VLDLR: variants seen among roughly 807,000 people sequenced by gnomAD.
VLDLR encodes very low density lipoprotein receptor.
A neutral mutation model predicts 112.7 loss-of-function variants in VLDLR; 81 were observed. The observed-to-expected ratio is 0.72, with a 90% CI of 0.60 to 0.86. The LOEUF is 0.86. Among genes scored for constraint, VLDLR ranks in the 40% least tolerant of loss-of-function variants. The probability of loss-of-function intolerance (pLI) is 0.00; values close to 1 mark genes in which losing one functional copy is unlikely to be tolerated. For synonymous variants in VLDLR, 436 were observed against 384.8 expected (o/e 1.13, Z -1.56); for missense variants, 1,237 against 1,099.4 (o/e 1.13, Z -1.77).
intron 1 of VLDLR, among the ~76,000 whole-genome samples, chr9:2,634,966 T>C (rs1235061742): frequency 3.3e-5 from 5 of 152,206 alleles, no homozygotes; most frequent in Non-Finnish European, 7.4e-5. Context: ...CACACGTAGT[T>C]TCAACAAATG....
At chr9:2,651,981 T>A in intron 17 of VLDLR, 27 bp downstream of exon 17, 1 of 1,610,046 alleles carries the variant, frequency 6.2e-7, no homozygotes, top group Non-Finnish European at 8.5e-7. Context: ...CAAGTCTGGG[T>A]TCAAGAACTT....
At position 2,659,719 on chromosome 9, in the gene VLDLR, A is replaced by C. The variant is rs1186693992; in HGVS notation, c.*5851A>C. 6.6e-6 allele frequency: 1 copy of C among 152,240 alleles called. No individual in the cohort carries two copies. Among genetic ancestry groups the C allele is most frequent in the African/African-American group, 2.4e-5 (1 of 41,460 alleles). The allele number at this position is 152,240 out of a possible 1,614,324, so 9.4% of individuals were successfully genotyped here. ...AACTCAATGATGCTATAACTCCAGC[A>C]CTGGATCTTAAGTATTCTGGAATAT... On this transcript the variant is annotated 3_prime_UTR_variant, in exon 19 of 19. Coordinates refer to ENST00000382100, the MANE Select transcript of VLDLR (RefSeq NM_003383.5).
intron 1 of VLDLR, among the ~76,000 whole-genome samples, chr9:2,630,240 G>A (rs1460250263): frequency 1.3e-5 from 2 of 152,156 alleles, no homozygotes. Context: ...CTTTTTTGCT[G>A]ACTCAGAAAT....
chr9:2,642,371 C>T (rs1038291324), intron 4 of VLDLR, among the ~76,000 whole-genome samples: 5 of 152,168 alleles, frequency 3.3e-5, no homozygotes, highest in African/African-American at 1.2e-4. Context: ...TACCACTGCA[C>T]CTAGTCCAAT....
At chr9:2,626,827 T>G (rs1817112997) in intron 1 of VLDLR, among the ~76,000 whole-genome samples, 1 of 152,186 alleles carries the variant, frequency 6.6e-6, no homozygotes, top group Admixed American at 6.5e-5. Flanking sequence ...TGTTAGAACT[T>G]AATAGTTCTC....
chr9:2,648,691 G>A lies in VLDLR; in HGVS notation c.1985G>A (p.Gly662Glu). The A allele has an allele frequency of 6.2e-7, 1 of 1,614,142 alleles. No homozygotes were observed. Among genetic ancestry groups the A allele is most frequent in the Non-Finnish European group, 8.5e-7 (1 of 1,180,024 alleles). Residue 662 changes from glycine (G) to glutamate (E), a missense_variant, in exon 14 of 19, where the codon GGG (glycine) becomes GAG (glutamate). Transcript: ENST00000382100. ...TAGGATCGTGTCTACTGGATAGATG[G>A]GGAAAATGAAGCAGTCTATGGTGCC... is the stretch of plus-strand genomic sequence containing the variant. The part of the protein sequence containing the change: ...IFEDRVYWID[G>E]ENEAVYGANK...
chr9:2,621,788 C>A lies in VLDLR; in HGVS notation c.-402C>A. The A allele has an allele frequency of 2.1e-6, 1 of 480,788 alleles. No homozygotes were observed. The highest frequency in any genetic ancestry group is 2.5e-5 in the Admixed American group (1 of 40,752). 29.8% of individuals were successfully genotyped at this position (480,788 alleles called of 1,614,324 possible). A position where few individuals can be genotyped will look rare whatever the true frequency, so the allele number is the denominator to read the frequency against. On this transcript the variant is annotated 5_prime_UTR_variant, in exon 1 of 19. Transcript: ENST00000382100. ...CCTCCGGCCCCCTCCCCGCTGCTCA[C>A]CCCGCTCTCCGGCCGCCGCCGGTGC... is the stretch of plus-strand genomic sequence containing the variant.
At chr9:2,651,120 T>C (rs929163346) in intron 15 of VLDLR, among the ~76,000 whole-genome samples, 5 of 152,160 alleles carry the variant, frequency 3.3e-5, no homozygotes, top group African/African-American at 1.2e-4. Context: ...CTTGAGAACA[T>C]TTCTCGTAGT....
In VLDLR at chr9:2,633,049, A is replaced by AGTGTGTGTGT. The variant is rs1258054088; in HGVS notation, c.83-2403_83-2402insTGTGTGTGTG. Among the ~76,000 whole-genome samples, 648 of 107,030 alleles carry AGTGTGTGTGT rather than the reference A, an allele frequency of 6.1e-3. 4 individuals carry two copies. Among genetic ancestry groups the AGTGTGTGTGT allele is most frequent in the Middle Eastern group, 0.014 (3 of 222 alleles). The allele number at this position is 107,030 out of a possible 152,430, so 70.2% of individuals were successfully genotyped here. A position where few individuals can be genotyped will look rare whatever the true frequency, so the allele number is the denominator to read the frequency against. On this transcript the variant is annotated intron_variant, in intron 1 of 18. Transcript: ENST00000382100. ...CCTTATTGGAGAGAGAGAGAGAGAG[A>AGTGTGTGTGT]GAGTGTGTGTGTGTGTGTGTGTGTG...
chr9:2,644,658 A>G (rs1288235627), intron 7 of VLDLR, 76 bp from the exon 8 acceptor site: 7 of 1,605,674 alleles, frequency 4.4e-6, no homozygotes, highest in Non-Finnish European at 6.0e-6. Flanking sequence ...AAGTTATCAC[A>G]AATAGCCTGG....
chr9:2,645,530 C>T, intron 9 of VLDLR, 44 bp from the exon 10 acceptor site: 1 of 1,613,142 alleles, frequency 6.2e-7, no homozygotes, highest in Non-Finnish European at 8.5e-7. Flanking sequence ...AAAGACCTTG[C>T]CTTCTTAAAG....
chr9:2,644,131 G>C (rs974020150), intron 7 of VLDLR, among the ~76,000 whole-genome samples, 172 bp downstream of exon 7: 4 of 143,290 alleles, frequency 2.8e-5, no homozygotes, highest in South Asian at 2.4e-4. Flanking sequence ...GGACAAACTA[G>C]TTTATAGTTT....
Position 2,643,564 on chromosome 9 carries a change from C to T in VLDLR, c.820+33C>T, listed in dbSNP as rs367978955. 21 of 1,614,202 alleles carry T rather than the reference C, an allele frequency of 1.3e-5. 1 individual carries two copies. The highest frequency in any genetic ancestry group is 1.6e-4 in the Middle Eastern group (1 of 6,062). On this transcript the variant is annotated intron_variant, in intron 5 of 18. Coordinates refer to ENST00000382100, the MANE Select transcript of VLDLR (RefSeq NM_003383.5). ...GCTTTCTAGCATGGCATGTTCAGTTCTCTTCCCTGTATCAACTGGGACAAT... is the reference window on the plus strand; with the variant it reads ...GCTTTCTAGCATGGCATGTTCAGTTTTCTTCCCTGTATCAACTGGGACAAT...
At chr9:2,652,291 A>G (rs1242205087) in intron 17 of VLDLR, among the ~76,000 whole-genome samples, 1 of 152,234 alleles carries the variant, frequency 6.6e-6, no homozygotes, top group Non-Finnish European at 1.5e-5. Context: ...AATGCTTCAT[A>G]CAGAGGAGAT....
At chr9:2,624,186 A>G (rs7022122) in intron 1 of VLDLR, among the ~76,000 whole-genome samples, 31,600 of 152,200 alleles carry the variant, frequency 0.21, 3,686 homozygotes, top group East Asian at 0.46. Flanking sequence ...CACATGTGAA[A>G]TATTTGACAT....
At chr9:2,623,866 A>T (rs1052373368) in intron 1 of VLDLR, among the ~76,000 whole-genome samples, 1 of 152,208 alleles carries the variant, frequency 6.6e-6, no homozygotes, top group Admixed American at 6.5e-5. Flanking sequence ...AGCTCTGCTT[A>T]CAAGAGTTTC....
Position 2,648,331 on chromosome 9 carries a change from C to T in VLDLR, c.1946C>T (p.Ala649Val), listed in dbSNP as rs748983591. 6.2e-7 allele frequency: 1 copy of T among 1,614,154 alleles called. No individual in the cohort carries two copies. The highest frequency in any genetic ancestry group is 8.5e-7 in the Non-Finnish European group (1 of 1,180,018). ...CTGGAGTTCCTAGCTCATCCTCTTG[C>T]ACTAACAATATTTGAGGTAAGATGT... ...KSLEFLAHPL[A>V]LTIFEDRVYW... The change falls in exon 13 of 19, where the codon GCA becomes GTA. Residue 649 changes from alanine (A) to valine (V), a missense_variant. By Grantham distance (64) the Ala-to-Val change is moderately conservative (BLOSUM62 0). Transcript: ENST00000382100.
At position 2,650,435 on chromosome 9, in the gene VLDLR, C is replaced by G. The variant is rs953361030; in HGVS notation, c.2170C>G (p.Gln724Glu). 1.2e-6 allele frequency: 2 copies of G among 1,614,118 alleles called. No homozygotes were observed. Among genetic ancestry groups the G allele is most frequent in the Non-Finnish European group, 1.7e-6 (2 of 1,180,026 alleles). ...TGAATACCTATGCCTGCCAGCACCA[C>G]AGATTAATGATCACTCTCCAAAATA... The part of the protein sequence containing the change: ...GCEYLCLPAP[Q>E]INDHSPKYTC... Residue 724 changes from glutamine to glutamate, a missense_variant, in exon 15 of 19, where the codon CAG (glutamine) becomes GAG (glutamate). Physicochemically the swap from Gln to Glu is conservative, Grantham distance 29. Coordinates refer to ENST00000382100, the MANE Select transcript of VLDLR (RefSeq NM_003383.5).
chr9:2,637,251 A>G (rs1817632899), intron 2 of VLDLR, among the ~76,000 whole-genome samples: 1 of 152,186 alleles, frequency 6.6e-6, no homozygotes, highest in African/African-American at 2.4e-5. Context: ...TCCTATTTTT[A>G]GTCTAACCTC....
Sources: gnomAD v4.1 joint callset for allele counts (sites outside exome capture counted in the v4.1 genomes callset) on GRCh38, gnomAD v4.1.1 for gene constraint, MANE v1.5 for transcripts, NCBI Gene and HGNC (gene_info 2026-07-23, HGNC 2026-07-21) for gene names.